Variants in NCOA2 observed in about 807,000 individuals in gnomAD.
NCOA2 encodes class E basic helix-loop-helix protein 75.
Under a neutral mutation model 145.1 loss-of-function variants are expected in NCOA2, and 21 were observed. The ratio of observed to expected loss-of-function variants is 0.14; its 90% CI spans 0.10 to 0.21. The LOEUF is 0.21. Among genes scored for constraint, NCOA2 ranks in the 10% least tolerant of loss-of-function variants. NCOA2 has a pLI of 1.00. For synonymous variants in NCOA2, 619 were observed against 637.5 expected (o/e 0.97, Z 0.44); for missense variants, 1,472 against 1,837.6 (o/e 0.80, Z 3.64).
chr8:70,248,883 T>C (rs1195833585), intron 2 of NCOA2, among the ~76,000 whole-genome samples: 1 of 151,498 alleles, frequency 6.6e-6, no homozygotes, highest in Non-Finnish European at 1.5e-5. Flanking sequence ...ATTTGTCCCT[T>C]TTCACTGCTT....
At chr8:70,136,777 A>T (rs1003466727) in intron 15 of NCOA2, among the ~76,000 whole-genome samples, 1 of 152,238 alleles carries the variant, frequency 6.6e-6, no homozygotes, top group African/African-American at 2.4e-5. Flanking sequence ...TTTTATTTCA[A>T]AAGAGAGACA....
At chr8:70,418,093 G>A in the NCOA2 span, among the ~76,000 whole-genome samples, 515 of 152,248 alleles carry the variant, frequency 3.4e-3, 5 homozygotes, top group African/African-American at 0.012. Context: ...GCATAGTAGC[G>A]ATACTCCCTC....
chr8:70,203,469 T>C (rs1818133788), intron 4 of NCOA2, among the ~76,000 whole-genome samples: 1 of 151,744 alleles, frequency 6.6e-6, no homozygotes, highest in South Asian at 2.1e-4. Context: ...CAAACACCCA[T>C]GAAAAATGTA....
At chr8:70,439,988 A>G in the NCOA2 span, among the ~76,000 whole-genome samples, 6 of 152,222 alleles carry the variant, frequency 3.9e-5, no homozygotes, top group African/African-American at 1.4e-4. Context: ...CTGGGACCCG[A>G]AAAGGCCACT....
At chr8:70,327,372 C>A (rs528891967) in intron 1 of NCOA2, among the ~76,000 whole-genome samples, 1 of 152,258 alleles carries the variant, frequency 6.6e-6, no homozygotes, top group South Asian at 2.1e-4. Flanking sequence ...TTGTGAGAAG[C>A]CTGAAATTTT....
chr8:70,344,047 T>C (rs1808381785), intron 1 of NCOA2, among the ~76,000 whole-genome samples: 1 of 152,156 alleles, frequency 6.6e-6, no homozygotes, highest in Non-Finnish European at 1.5e-5. Context: ...ATGTATTCTA[T>C]GGCCAGCAAC....
chr8:70,437,430 G>A, the NCOA2 span, among the ~76,000 whole-genome samples: 1 of 152,114 alleles, frequency 6.6e-6, no homozygotes, highest in African/African-American at 2.4e-5. Flanking sequence ...CTTAATAATT[G>A]GTATTGAATG....
At chr8:70,185,223 C>T (rs540494230) in intron 4 of NCOA2, among the ~76,000 whole-genome samples, 1 of 152,306 alleles carries the variant, frequency 6.6e-6, no homozygotes, top group Non-Finnish European at 1.5e-5. Flanking sequence ...TCCCAGTTCT[C>T]TCATTCTAGC....
the NCOA2 span, among the ~76,000 whole-genome samples, chr8:70,417,330 C>T: frequency 7.3e-5 from 11 of 150,772 alleles, no homozygotes; most frequent in East Asian, 2.2e-3. Flanking sequence ...GGGTGGATCA[C>T]CTGAGGTCAG....
intron 1 of NCOA2, among the ~76,000 whole-genome samples, chr8:70,313,657 G>C (rs569421755): frequency 6.6e-6 from 1 of 152,258 alleles, no homozygotes; most frequent in East Asian, 1.9e-4. Flanking sequence ...TAACAACAGA[G>C]TAAGTTATAT....
At chr8:70,285,288 T>C (rs964639847) in intron 2 of NCOA2, among the ~76,000 whole-genome samples, 2 of 152,214 alleles carry the variant, frequency 1.3e-5, no homozygotes, top group African/African-American at 4.8e-5. Context: ...TGAGTTCCTA[T>C]CATTTAGCAA....
chr8:70,415,108 G>A, the NCOA2 span, among the ~76,000 whole-genome samples: 1 of 152,004 alleles, frequency 6.6e-6, no homozygotes, highest in African/African-American at 2.4e-5. Flanking sequence ...TTTGAGGCTA[G>A]CCTGGGCAAC....
intron 4 of NCOA2, among the ~76,000 whole-genome samples, chr8:70,188,282 C>T (rs1353388030): frequency 6.6e-6 from 1 of 152,170 alleles, no homozygotes; most frequent in Non-Finnish European, 1.5e-5. Context: ...GTGGGCTTCC[C>T]AGAGAATGGA....
Position 70,323,569 on chromosome 8 carries a change from T to A in NCOA2, c.-76-26769A>T, listed in dbSNP as rs181205056. Among the ~76,000 whole-genome samples the A allele has an allele frequency of 9.4e-3, 1,431 of 152,250 alleles. 21 individuals carry two copies. Among genetic ancestry groups the A allele is most frequent in the African/African-American group, 0.032 (1,315 of 41,532 alleles). ...ATCTGGAAATTTAACAAAATTTTTT[T>A]AAAAAATAATTATTTGATACATTAA... is the stretch of plus-strand genomic sequence containing the variant. On this transcript the variant is annotated intron_variant, in intron 1 of 22. Transcript: ENST00000452400.
intron 5 of NCOA2, among the ~76,000 whole-genome samples, chr8:70,174,010 T>C: frequency 6.6e-6 from 1 of 152,216 alleles, no homozygotes; most frequent in Non-Finnish European, 1.5e-5. Context: ...GAGCAAATTA[T>C]CCTGAGAACT....
the NCOA2 span, among the ~76,000 whole-genome samples, chr8:70,444,959 T>G: frequency 6.6e-6 from 1 of 152,234 alleles, no homozygotes; most frequent in Non-Finnish European, 1.5e-5. Flanking sequence ...CCACTAGTTT[T>G]GCTAACAACT....
intron 18 of NCOA2, 138 bp downstream of exon 18, chr8:70,128,295 A>T (rs1808671804): frequency 3.0e-6 from 2 of 671,436 alleles, no homozygotes; most frequent in Middle Eastern, 5.0e-4. Flanking sequence ...ACACACTAGT[A>T]GGTAACTAGA....
intron 1 of NCOA2, among the ~76,000 whole-genome samples, chr8:70,311,276 G>A (rs1306110883): frequency 1.3e-5 from 2 of 152,120 alleles, no homozygotes; most frequent in Admixed American, 6.5e-5. Flanking sequence ...GGAATAGGGT[G>A]GGGGAAAGTG....
the NCOA2 span, among the ~76,000 whole-genome samples, chr8:70,455,582 A>AAT: frequency 6.6e-6 from 1 of 152,074 alleles, no homozygotes; most frequent in Non-Finnish European, 1.5e-5. Flanking sequence ...ATTAACAACC[A>AAT]CTGAAGAGTG....
Sources: allele counts gnomAD v4.1 joint callset (sites outside exome capture counted in the v4.1 genomes callset), GRCh38; gene constraint gnomAD v4.1.1; transcripts MANE v1.5; gene names NCBI Gene and HGNC (gene_info 2026-07-23, HGNC 2026-07-21).